The following PRAMEF4 variants were observed in gnomAD, a reference collection of about 807,000 sequenced individuals.
PRAMEF4 encodes PRAME family member 4, also known as RP5-845O24.6.
A neutral mutation model predicts 34.4 loss-of-function variants in PRAMEF4; 18 were observed. That is an observed-to-expected ratio of 0.52 (90% CI 0.36 to 0.78). The LOEUF (loss-of-function observed/expected upper bound fraction) is 0.78. Among genes scored for constraint, PRAMEF4 ranks in the 30% least tolerant of loss-of-function variants. The pLI, the probability that PRAMEF4 is intolerant of heterozygous loss-of-function variation, is 0.00. For synonymous variants in PRAMEF4, 156 were observed against 219.3 expected (o/e 0.71, Z 2.55); for missense variants, 482 against 569.1 (o/e 0.85, Z 1.56).
At chr1:12,883,524 T>A in intron 1 of PRAMEF4, 114 bp from the exon 2 acceptor site, 2 of 1,369,824 alleles carry the variant, frequency 1.5e-6, no homozygotes, top group Non-Finnish European at 2.0e-6. Context: ...AGTCCTCAGT[T>A]TACTCCAATT....
At position 12,879,908 on chromosome 1, in the gene PRAMEF4, T is replaced by C. The variant is rs1429162652; in HGVS notation, c.1073A>G (p.Asp358Gly). 6.2e-7 allele frequency: 1 copy of C among 1,603,796 alleles called. No individual in the cohort carries two copies. Among genetic ancestry groups the C allele is most frequent in the East Asian group, 2.2e-5 (1 of 44,634 alleles). Residue 358 changes from aspartate to glycine, a missense_variant, in exon 4 of 4, where the codon GAT becomes GGT. Physicochemically the swap from Asp to Gly is moderately conservative, Grantham distance 94. Around this residue, in one of 6 missense-constraint regions of PRAMEF4, gnomAD observed 35 missense variants for 109.2 expected, o/e 0.32. Transcript: ENST00000235349. ...GTCTATGATGCCACAGTCATCTAAA[T>C]CCAGGTACTCAAGGGTGGCTGCAAC... Reference protein sequence around the residue: ...EKVAATLEYLDLDDCGIIDSQ... With the variant: ...EKVAATLEYLGLDDCGIIDSQ...
Position 12,882,771 on chromosome 1 carries a change from A to T in PRAMEF4, c.293+331T>A, listed in dbSNP as rs1463595182. ...ATGCCCAGCTAATTTTAGTATTTTT[A>T]GTAGAGTTGGGGTTTACCATGTTGG... On this transcript the variant is annotated intron_variant, in intron 2 of 3. Coordinates refer to ENST00000235349, the MANE Select transcript of PRAMEF4 (RefSeq NM_001009611.4). Among the ~76,000 whole-genome samples, 4 of 147,894 alleles carry T rather than the reference A, an allele frequency of 2.7e-5. No individual in the cohort carries two copies. In the South Asian group the frequency reaches 8.6e-4, roughly 32 times the overall value.
At position 12,881,117 on chromosome 1, in the gene PRAMEF4, G is replaced by C. The variant is rs866420754; in HGVS notation, c.875+737C>G. ...GTGGTAGCTCTCGCCTATAATCCCAGCACTTTGGGAGTCCATGGTGGGTGG... is the reference window on the plus strand; with the variant it reads ...GTGGTAGCTCTCGCCTATAATCCCACCACTTTGGGAGTCCATGGTGGGTGG... On this transcript the variant is annotated intron_variant, in intron 3 of 3. Transcript: ENST00000235349. 3.4e-4 allele frequency among the ~76,000 whole-genome samples: 51 copies of C among 148,194 alleles called. 5 individuals are homozygous for C. The highest frequency in any genetic ancestry group is 1.2e-3 in the African/African-American group (49 of 39,598).
At chr1:12,881,339 C>T (rs1640883800) in intron 3 of PRAMEF4, among the ~76,000 whole-genome samples, 2 of 148,650 alleles carry the variant, frequency 1.3e-5, no homozygotes, top group Admixed American at 1.4e-4. Context: ...GCACTGTAGC[C>T]TAGACGATCA....
chr1:12,886,046 A>T (rs1375147963), intron 1 of PRAMEF4, 101 bp downstream of exon 1: 2 of 125,246 alleles, frequency 1.6e-5, no homozygotes, highest in African/African-American at 6.8e-5. Flanking sequence ...AAAAAAAAGG[A>T]CAGGATATAG....
chr1:12,882,583 C>G, intron 2 of PRAMEF4, 148 bp from the exon 3 acceptor site: 1 of 1,221,146 alleles, frequency 8.2e-7, no homozygotes, highest in South Asian at 1.5e-5. Flanking sequence ...ATCCTGCCCA[C>G]TTCCACATTG....
Position 12,881,238 on chromosome 1 carries a change from C to T in PRAMEF4, c.875+616G>A, listed in dbSNP as rs12130840. Among the ~76,000 whole-genome samples the T allele has an allele frequency of 2.5e-3, 369 of 147,316 alleles. 20 individuals carry two copies. The highest frequency in any genetic ancestry group is 4.2e-3 in the Admixed American group (60 of 14,296). On this transcript the variant is annotated intron_variant, in intron 3 of 3. Coordinates refer to ENST00000235349, the MANE Select transcript of PRAMEF4 (RefSeq NM_001009611.4). ...AAAATTAGCCAGGTGTGGTGGCTCACGCCTGTAATCCCAGGCACTCAGGAG... is the reference window on the plus strand; with the variant it reads ...AAAATTAGCCAGGTGTGGTGGCTCATGCCTGTAATCCCAGGCACTCAGGAG...
chr1:12,882,039 C>T lies in PRAMEF4; in HGVS notation c.690G>A (p.Leu230=). The change falls in exon 3 of 4, where the codon CTG becomes CTA. Residue 230 remains leucine, a synonymous_variant. Coordinates refer to ENST00000235349, the MANE Select transcript of PRAMEF4 (RefSeq NM_001009611.4). ...LPILTQFTPY[L]GHMRNLQKLI... ...GTTTCTGAAGATTCCTCATGTGGCC[C>T]AGGTATGGGGTAAACTGTGTCAGGA... 3 of 1,590,226 alleles carry T rather than the reference C, an allele frequency of 1.9e-6. No individual in the cohort carries two copies. The highest frequency in any genetic ancestry group is 2.6e-6 in the Non-Finnish European group (3 of 1,173,376).
intron 1 of PRAMEF4, among the ~76,000 whole-genome samples, chr1:12,884,755 A>G (rs540482376): frequency 1.3e-5 from 2 of 149,340 alleles, no homozygotes; most frequent in East Asian, 3.9e-4. Flanking sequence ...CTTAATCTCT[A>G]CCCAGTTAAT....
rs1769768 is a variant in PRAMEF4, at chr1:12,885,740, A to G, written c.-17+407T>C. 9.5e-3 allele frequency among the ~76,000 whole-genome samples: 1,334 copies of G among 140,458 alleles called. 7 individuals are homozygous for G. Among genetic ancestry groups the G allele is most frequent in the East Asian group, 0.048 (184 of 3,864 alleles). 92.1% of individuals were successfully genotyped at this position (140,458 alleles called of 152,430 possible). A position where few individuals can be genotyped will look rare whatever the true frequency, so the allele number is the denominator to read the frequency against. On this transcript the variant is annotated intron_variant, in intron 1 of 3. Coordinates refer to ENST00000235349, the MANE Select transcript of PRAMEF4 (RefSeq NM_001009611.4). ...GTAAAGGTTGCAGGGAGTTGAGATC[A>G]TGCCACTGCACTCCAGTCTGGGCAA...
At chr1:12,885,305 G>C (rs1359053521) in intron 1 of PRAMEF4, among the ~76,000 whole-genome samples, 1 of 149,622 alleles carries the variant, frequency 6.7e-6, no homozygotes, top group African/African-American at 2.5e-5. Context: ...CCTCCATTTG[G>C]GTGGAAGAGG....
intron 1 of PRAMEF4, among the ~76,000 whole-genome samples, chr1:12,885,828 T>A (rs1031312767): frequency 1.4e-5 from 2 of 142,810 alleles, no homozygotes; most frequent in African/African-American, 5.4e-5. Flanking sequence ...GTTTTTGTCA[T>A]GTTGTCCAGG....
chr1:12,881,986 C>G lies in PRAMEF4; in HGVS notation c.743G>C (p.Arg248Pro), dbSNP rs562920609. Residue 248 changes from arginine (R) to proline (P), a missense_variant, in exon 3 of 4, where the codon CGC becomes CCC. Physicochemically the swap from Arg to Pro is moderately radical, Grantham distance 103. Around this residue, in one of 6 missense-constraint regions of PRAMEF4, gnomAD observed 81 missense variants for 73.1 expected, o/e 1.11. Transcript: ENST00000235349. ...KLILSHMDVS[R>P]YVSPEQKKEI... The stretch of plus-strand genomic sequence containing the variant: ...CTTCTTCTGCTCTGGGGAAACGTAG[C>G]GAGAGACATCCATGTGGGAGAGAAT... 2.5e-6 allele frequency: 4 copies of G among 1,588,262 alleles called. 1 individual carries two copies. The South Asian group carries it at 3.3e-5, about 13-fold the overall frequency.
intron 1 of PRAMEF4, among the ~76,000 whole-genome samples, chr1:12,885,417 T>C (rs891080154): frequency 5.3e-5 from 8 of 149,868 alleles, no homozygotes; most frequent in African/African-American, 7.4e-5. Flanking sequence ...AGTACAGTAG[T>C]GGTGTGAGCA....
chr1:12,884,699 G>A (rs1309478070), intron 1 of PRAMEF4, among the ~76,000 whole-genome samples: 1 of 147,658 alleles, frequency 6.8e-6, no homozygotes, highest in Non-Finnish European at 1.5e-5. Flanking sequence ...TGGGAAATAG[G>A]CTAGATTGAA....
At chr1:12,880,435 G>T (rs1422092089) in intron 3 of PRAMEF4, among the ~76,000 whole-genome samples, 1 of 149,870 alleles carries the variant, frequency 6.7e-6, no homozygotes, top group African/African-American at 2.5e-5. Flanking sequence ...AATTAGCCAG[G>T]TGTGGTGGGG....
In PRAMEF4 at chr1:12,879,871, G is replaced by A. The variant is rs77166337; in HGVS notation, c.1110C>T (p.Asn370=). The change falls in exon 4 of 4, where the codon AAC becomes AAT. Residue 370 remains asparagine (N), a synonymous_variant. Coordinates refer to ENST00000235349, the MANE Select transcript of PRAMEF4 (RefSeq NM_001009611.4). ...DDCGIIDSQV[N]AILPALSRCF... ...AGCGGCTCAGGGCAGGCAAGATGGC[G>A]TTGACTTGGGAGTCTATGATGCCAC... is the stretch of plus-strand genomic sequence containing the variant. 1.3e-3 allele frequency: 2,053 copies of A among 1,585,838 alleles called. 177 individuals are homozygous for A. Among genetic ancestry groups the A allele is most frequent in the South Asian group, 0.01 (914 of 89,782 alleles).
rs3121078 is a variant in PRAMEF4 at position 12,883,473 on chromosome 1, C to T, written c.-16-63G>A. On this transcript the variant is annotated intron_variant, in intron 1 of 3. Coordinates refer to ENST00000235349, the MANE Select transcript of PRAMEF4 (RefSeq NM_001009611.4). ...CGGGCCAAGCCCATGCAATCTCATCCTCTCCTATGGCCAAACTCACTGCTC... is the reference window on the plus strand; with the variant it reads ...CGGGCCAAGCCCATGCAATCTCATCTTCTCCTATGGCCAAACTCACTGCTC... 80 of 1,589,468 alleles carry T rather than the reference C, an allele frequency of 5.0e-5. 4 individuals carry two copies. The highest frequency in any genetic ancestry group is 5.5e-5 in the Non-Finnish European group (64 of 1,168,188).
chr1:12,885,661 ACACCAGCTTC>A (rs1640987820), intron 1 of PRAMEF4, among the ~76,000 whole-genome samples: 1 of 145,574 alleles, frequency 6.9e-6, no homozygotes, highest in South Asian at 2.2e-4. Context: ...GATGTCTGTG[ACACCAGCTTC>A]TGAGGATGGA....
Sources: gnomAD v4.1 joint callset for allele counts (sites outside exome capture counted in the v4.1 genomes callset) on GRCh38, gnomAD v4.1.1 for gene constraint, gnomAD v4.1.1 regional missense constraint, MANE v1.5 for transcripts, NCBI Gene and HGNC (gene_info 2026-07-23, HGNC 2026-07-21) for gene names.